SUMF1: variants seen among roughly 807,000 people sequenced by gnomAD.
SUMF1 encodes the protein formylglycine-generating enzyme.
Under a neutral mutation model 47.6 loss-of-function variants are expected in SUMF1, and 48 were observed. The observed-to-expected ratio is 1.01, with a 90% CI of 0.80 to 1.28. The LOEUF (loss-of-function observed/expected upper bound fraction) is 1.28, where lower values mean the gene tolerates loss of function less well. SUMF1 is among the 50% of genes most tolerant of loss of function. The pLI is 0.00. For synonymous variants in SUMF1, 230 were observed against 192.1 expected (o/e 1.20, Z -1.63); for missense variants, 571 against 485.4 (o/e 1.18, Z -1.66).
At chr3:4,390,673 C>T (rs976634124) in intron 7 of SUMF1, among the ~76,000 whole-genome samples, 4 of 152,182 alleles carry the variant, frequency 2.6e-5, no homozygotes, top group Non-Finnish European at 4.4e-5. Flanking sequence ...GCCTCAACTT[C>T]CTGGGCCCAG....
rs5846319 is a variant in SUMF1 at position 4,335,960 on chromosome 3, C to CAAAAAAAACAAAAAAAAAAAAAAA, written c.1014+40369_1014+40370insTTTTTTTTTTTTTTTGTTTTTTTT. On this transcript the variant is annotated intron_variant and NMD_transcript_variant, in intron 8 of 12. Transcript: ENST00000448413. ...TGGACAACTGAGTGAGATTCCAACTCAAAAAAAAAAAAAAAAAAAACAGAA... is the reference window on the plus strand; with the variant it reads ...TGGACAACTGAGTGAGATTCCAACTCAAAAAAAACAAAAAAAAAAAAAAAAAAAAAAAAAAAAAAAAAAACAGAA... Among the ~76,000 whole-genome samples, 25 of 73,864 alleles carry CAAAAAAAACAAAAAAAAAAAAAAA rather than the reference C, an allele frequency of 3.4e-4. 1 individual carries two copies. Among genetic ancestry groups the CAAAAAAAACAAAAAAAAAAAAAAA allele is most frequent in the African/African-American group, 1.6e-3 (22 of 14,070 alleles). 48.5% of individuals were successfully genotyped at this position (73,864 alleles called of 152,430 possible).
intron 8 of SUMF1, among the ~76,000 whole-genome samples, chr3:4,233,791 G>A (rs1490443053): frequency 6.6e-6 from 1 of 152,088 alleles, no homozygotes; most frequent in Non-Finnish European, 1.5e-5. Flanking sequence ...TACTAAATAA[G>A]CTTCAGAAAA....
At chr3:4,163,826 TAGAC>T (rs538749138) in intron 8 of SUMF1, among the ~76,000 whole-genome samples, 1 of 152,164 alleles carries the variant, frequency 6.6e-6, no homozygotes, top group South Asian at 2.1e-4. Context: ...AGTCTTCTAA[TAGAC>T]AGCCATCATC....
chr3:4,362,633 T>C (rs1048166834), intron 8 of SUMF1, among the ~76,000 whole-genome samples: 1 of 152,178 alleles, frequency 6.6e-6, no homozygotes, highest in East Asian at 1.9e-4. Flanking sequence ...GATAAAATGT[T>C]AAATGAGGCC....
intron 7 of SUMF1, among the ~76,000 whole-genome samples, chr3:4,389,160 C>G (rs1241084994): frequency 6.6e-6 from 1 of 152,138 alleles, no homozygotes; most frequent in Non-Finnish European, 1.5e-5. Context: ...GCAACAAATT[C>G]TCTCAGTCTG....
At chr3:4,139,844 T>C (rs1694033762) in intron 8 of SUMF1, among the ~76,000 whole-genome samples, 1 of 151,984 alleles carries the variant, frequency 6.6e-6, no homozygotes, top group South Asian at 2.1e-4. Flanking sequence ...AGTTCTGCAA[T>C]GATTCCAGCC....
chr3:4,113,247 A>C (rs1043203546), intron 8 of SUMF1, among the ~76,000 whole-genome samples: 2 of 151,996 alleles, frequency 1.3e-5, no homozygotes, highest in African/African-American at 4.8e-5. Flanking sequence ...ATATATTACA[A>C]CCTGGGCATA....
intron 8 of SUMF1, among the ~76,000 whole-genome samples, chr3:4,077,609 G>A (rs1692468175): frequency 6.6e-6 from 1 of 152,018 alleles, no homozygotes; most frequent in South Asian, 2.1e-4. Flanking sequence ...TCAACAATGA[G>A]AGCACATGGA....
chr3:4,435,660 C>T (rs1280443026), intron 3 of SUMF1, among the ~76,000 whole-genome samples: 2 of 152,034 alleles, frequency 1.3e-5, no homozygotes, highest in African/African-American at 2.4e-5. Flanking sequence ...AATAATGCCA[C>T]AATACATGTA....
intron 8 of SUMF1, among the ~76,000 whole-genome samples, chr3:4,252,388 C>A (rs1447195223): frequency 2.0e-5 from 3 of 151,648 alleles, no homozygotes; most frequent in African/African-American, 7.3e-5. Flanking sequence ...ACCCCACTGG[C>A]TGTTTAAAAC....
chr3:4,365,763 T>C (rs1427707284), intron 8 of SUMF1, among the ~76,000 whole-genome samples: 3 of 150,412 alleles, frequency 2.0e-5, no homozygotes, highest in African/African-American at 7.3e-5. Flanking sequence ...GTCATTATGA[T>C]GTTAGCTGGT....
chr3:4,181,245 C>T lies in SUMF1; in HGVS notation c.1015-112500G>A, dbSNP rs142591690. ...GCTCTGTTGTCAGTTACAGCTTTTG[C>T]TCAGGGGAGCCTTCACCTCCTCACG... On this transcript the variant is annotated intron_variant and NMD_transcript_variant, in intron 8 of 12. Transcript: ENST00000448413. Among the ~76,000 whole-genome samples, 229 of 152,206 alleles carry T rather than the reference C, an allele frequency of 1.5e-3. 2 individuals are homozygous for T. The highest frequency in any genetic ancestry group is 4.8e-3 in the Admixed American group (74 of 15,278).
intron 8 of SUMF1, among the ~76,000 whole-genome samples, chr3:4,210,616 T>G (rs1695758972): frequency 6.6e-6 from 1 of 151,982 alleles, no homozygotes; most frequent in South Asian, 2.1e-4. Context: ...GCACAAAAAT[T>G]TTTTTTTAAC....
intron 8 of SUMF1, among the ~76,000 whole-genome samples, chr3:4,265,294 A>C (rs907256333): frequency 6.6e-6 from 1 of 152,110 alleles, no homozygotes; most frequent in African/African-American, 2.4e-5. Context: ...CTTAAAGATA[A>C]TGTAGCCAAA....
intron 8 of SUMF1, among the ~76,000 whole-genome samples, chr3:4,126,964 G>C (rs768193465): frequency 6.6e-6 from 1 of 152,028 alleles, no homozygotes; most frequent in African/African-American, 2.4e-5. Flanking sequence ...TCGTGAAGAA[G>C]AACAAAATTA....
intron 7 of SUMF1, among the ~76,000 whole-genome samples, chr3:4,384,399 T>C (rs930471954): frequency 6.6e-6 from 1 of 152,228 alleles, no homozygotes; most frequent in Non-Finnish European, 1.5e-5. Context: ...ATGTTGACAC[T>C]GACACAGTCA....
chr3:4,290,111 A>T (rs544368876), intron 8 of SUMF1, among the ~76,000 whole-genome samples: 10 of 152,222 alleles, frequency 6.6e-5, no homozygotes, highest in Non-Finnish European at 1.2e-4. Context: ...AATCACAATG[A>T]AACTTAAAAG....
chr3:4,455,616 C>T (rs914434057), intron 1 of SUMF1, among the ~76,000 whole-genome samples: 12 of 152,156 alleles, frequency 7.9e-5, no homozygotes, highest in African/African-American at 2.9e-4. Flanking sequence ...ACTTGGGAGG[C>T]TGAGGCAGGA....
At chr3:4,103,227 C>T (rs1693077564) in intron 8 of SUMF1, among the ~76,000 whole-genome samples, 1 of 146,762 alleles carries the variant, frequency 6.8e-6, no homozygotes, top group Non-Finnish European at 1.5e-5. Context: ...CCGGCCAACA[C>T]TTTTAAGCAT....
Sources: gnomAD v4.1 joint callset for allele counts (sites outside exome capture counted in the v4.1 genomes callset) on GRCh38, gnomAD v4.1.1 for gene constraint, MANE v1.5 for transcripts, NCBI Gene and HGNC (gene_info 2026-07-23, HGNC 2026-07-21) for gene names.